Variants in OSBPL1A observed in about 807,000 individuals in gnomAD.
OSBPL1A encodes oxysterol binding protein like 1A.
In OSBPL1A, 80 loss-of-function variants were observed where a neutral mutation model predicts 137.1. That is an observed-to-expected ratio of 0.58 (90% CI 0.49 to 0.70). OSBPL1A has a LOEUF of 0.70. Among genes scored for constraint, OSBPL1A ranks in the 30% least tolerant of loss-of-function variants. The pLI is 0.00. For synonymous variants in OSBPL1A, 365 were observed against 389.7 expected, an observed-to-expected ratio of 0.94 and a Z score of 0.75; for missense variants, 970 against 1,129.4, an observed-to-expected ratio of 0.86 and a Z score of 2.02.
intron 22 of OSBPL1A, among the ~76,000 whole-genome samples, chr18:24,172,158 C>G (rs2145911362): frequency 6.6e-6 from 1 of 152,100 alleles, no homozygotes; most frequent in East Asian, 1.9e-4. Context: ...CCAGGCTGGT[C>G]TCGAACTCCT....
chr18:24,170,649 A>G, intron 23 of OSBPL1A, 196 bp from the exon 24 acceptor site: 1 of 573,416 alleles, frequency 1.7e-6, no homozygotes, highest in South Asian at 2.0e-5. Flanking sequence ...GAATATTACT[A>G]TAAAGGTGTG....
intron 24 of OSBPL1A, among the ~76,000 whole-genome samples, chr18:24,167,952 C>T (rs181509674): frequency 1.3e-5 from 2 of 152,234 alleles, no homozygotes; most frequent in South Asian, 2.1e-4. Flanking sequence ...GCTGAATGCC[C>T]GAGTGGGTGC....
chr18:24,348,469 A>G (rs1217530588), intron 4 of OSBPL1A, among the ~76,000 whole-genome samples: 2 of 152,156 alleles, frequency 1.3e-5, no homozygotes, highest in African/African-American at 4.8e-5. Context: ...TATGTTTTAT[A>G]CAATACATAA....
chr18:24,384,908 G>T (rs897864897), intron 1 of OSBPL1A, among the ~76,000 whole-genome samples: 2 of 150,888 alleles, frequency 1.3e-5, no homozygotes, highest in Admixed American at 1.3e-4. Flanking sequence ...GAAAAAGAAA[G>T]TAGTTAATCA....
chr18:24,352,279 G>T (rs924381666), intron 4 of OSBPL1A, among the ~76,000 whole-genome samples: 1 of 152,140 alleles, frequency 6.6e-6, no homozygotes, highest in Admixed American at 6.6e-5. Flanking sequence ...TCCAGCCTGG[G>T]TGACAGAGTG....
chr18:24,179,188 C>G (rs1287103193), intron 20 of OSBPL1A: 2 of 152,726 alleles, frequency 1.3e-5, no homozygotes, highest in African/African-American at 4.8e-5. Flanking sequence ...AGTGCAGACA[C>G]CTGGCCAGCA....
intron 1 of OSBPL1A, among the ~76,000 whole-genome samples, chr18:24,391,520 T>C (rs541178341): frequency 1.6e-4 from 22 of 138,776 alleles, no homozygotes; most frequent in Non-Finnish European, 2.6e-4. Flanking sequence ...ACCAGGAGTT[T>C]AAGACCAGTC....
At chr18:24,325,364 C>G (rs1004041227) in intron 7 of OSBPL1A, among the ~76,000 whole-genome samples, 3 of 152,312 alleles carry the variant, frequency 2.0e-5, no homozygotes, top group Non-Finnish European at 4.4e-5. Flanking sequence ...TTCTCCAGCT[C>G]GCCCTGCTCT....
intron 14 of OSBPL1A, among the ~76,000 whole-genome samples, chr18:24,288,657 A>C (rs1309357987): frequency 6.6e-6 from 1 of 152,060 alleles, no homozygotes; most frequent in Non-Finnish European, 1.5e-5. Context: ...AATCCCAGCT[A>C]CTTGGGAAGC....
At chr18:24,224,174 T>G (rs555729108) in intron 17 of OSBPL1A, among the ~76,000 whole-genome samples, 1 of 152,004 alleles carries the variant, frequency 6.6e-6, no homozygotes, top group Non-Finnish European at 1.5e-5. Flanking sequence ...AAAGGGAAAA[T>G]ACACATAAGC....
chr18:24,394,164 T>C (rs941533276), intron 1 of OSBPL1A, among the ~76,000 whole-genome samples: 1 of 152,166 alleles, frequency 6.6e-6, no homozygotes, highest in Non-Finnish European at 1.5e-5. Flanking sequence ...CATAAAATGT[T>C]TATACCAAAT....
intron 7 of OSBPL1A, among the ~76,000 whole-genome samples, chr18:24,322,254 C>T (rs1203759676): frequency 1.3e-5 from 2 of 150,992 alleles, no homozygotes; most frequent in African/African-American, 2.4e-5. Flanking sequence ...GGACTACAGG[C>T]GCCCACCATC....
At chr18:24,236,874 A>G (rs907072132) in intron 16 of OSBPL1A, among the ~76,000 whole-genome samples, 4 of 152,362 alleles carry the variant, frequency 2.6e-5, no homozygotes, top group Admixed American at 2.6e-4. Context: ...GACTATTAAA[A>G]TATTACTGAG....
At chr18:24,376,676 G>T (rs575295933) in intron 2 of OSBPL1A, among the ~76,000 whole-genome samples, 8 of 152,372 alleles carry the variant, frequency 5.3e-5, no homozygotes, top group East Asian at 3.9e-4. Flanking sequence ...GCCCATGGAG[G>T]GGGTGGGAGG....
At chr18:24,362,508 G>T (rs531414365) in intron 4 of OSBPL1A, among the ~76,000 whole-genome samples, 1 of 152,174 alleles carries the variant, frequency 6.6e-6, no homozygotes, top group African/African-American at 2.4e-5. Context: ...CGTATTAAAA[G>T]TTAGTTAAAT....
chr18:24,164,663 C>T (rs893843024), intron 27 of OSBPL1A, among the ~76,000 whole-genome samples: 5 of 151,762 alleles, frequency 3.3e-5, no homozygotes, highest in African/African-American at 9.7e-5. Context: ...CTCCTGACCT[C>T]ATGATCCGCC....
At chr18:24,218,238 G>C (rs2087769000) in intron 17 of OSBPL1A, 1 of 152,026 alleles carries the variant, frequency 6.6e-6, no homozygotes, top group Non-Finnish European at 1.5e-5. Flanking sequence ...CTGTGGTTTA[G>C]AAGCAAAAAA....
At chr18:24,292,779 A>ATT (rs1415095292) in intron 14 of OSBPL1A, among the ~76,000 whole-genome samples, 1 of 152,114 alleles carries the variant, frequency 6.6e-6, no homozygotes, top group Non-Finnish European at 1.5e-5. Context: ...GGTACCAGCT[A>ATT]AGGGTCTCAG....
At chr18:24,272,254 TC>T (rs1161832459) in intron 15 of OSBPL1A, 1 of 981,400 alleles carries the variant, frequency 1.0e-6, no homozygotes, top group East Asian at 1.1e-4. Context: ...TTTTCTTTTT[TC>T]TTTTTTTTTT....
Sources: gnomAD v4.1 joint callset for allele counts (sites outside exome capture counted in the v4.1 genomes callset) on GRCh38, gnomAD v4.1.1 for gene constraint, MANE v1.5 for transcripts, NCBI Gene and HGNC (gene_info 2026-07-23, HGNC 2026-07-21) for gene names.